CCND2: variants seen among roughly 807,000 people sequenced by gnomAD.
CCND2 encodes the protein G1/S-specific cyclin-D2.
Under a neutral mutation model 30.2 loss-of-function variants are expected in CCND2, and 6 were observed. The observed-to-expected ratio is 0.20, with a 90% CI of 0.11 to 0.39. The LOEUF (loss-of-function observed/expected upper bound fraction) is 0.39, where lower values mean the gene tolerates loss of function less well. CCND2 is among the 10% of genes least tolerant of loss of function. The pLI is 1.00. For synonymous variants in CCND2, 150 were observed against 153.1 expected (o/e 0.98, Z 0.15); for missense variants, 235 against 373.4 (o/e 0.63, Z 3.06).
intron 4 of CCND2, among the ~76,000 whole-genome samples, chr12:4,290,454 G>A (rs1436383433): frequency 1.3e-5 from 2 of 152,188 alleles, no homozygotes; most frequent in South Asian, 2.1e-4. Flanking sequence ...GAAATGGTAC[G>A]CTTTCCTCCT....
chr12:4,285,422 G>A lies in CCND2; in HGVS notation c.572-3420G>A. 2.0e-6 allele frequency: 2 copies of A among 985,382 alleles called. No homozygotes were observed. The highest frequency in any genetic ancestry group is 5.2e-4 in the Middle Eastern group (1 of 1,910). The allele number at this position is 985,382 out of a possible 1,614,324, so 61.0% of individuals were successfully genotyped here. ...TGATCAAGAGACTTAACAGACTGCT[G>A]AGAAATTTGTACCTGGTTTTTATTT... is the stretch of plus-strand genomic sequence containing the variant. On this transcript the variant is annotated intron_variant, in intron 3 of 4. Transcript: ENST00000261254. The surrounding 1 kb of genome is among the most constrained non-coding windows in gnomAD (Gnocchi z 4.1).
Position 4,300,309 on chromosome 12 carries a change from T to G in CCND2, c.*300T>G, listed in dbSNP as rs997120829. 6 of 325,426 alleles carry G rather than the reference T, an allele frequency of 1.8e-5. No individual in the cohort carries two copies. The highest frequency in any genetic ancestry group is 1.2e-4 in the African/African-American group (6 of 48,518). The allele number at this position is 325,426 out of a possible 1,614,324, so 20.2% of individuals were successfully genotyped here. ...GCTTACAGGAAAACCTGCAGAGTAG[T>G]TAGAGAATATGTATGCCTGCAATAT... On this transcript the variant is annotated 3_prime_UTR_variant, in exon 5 of 5. Coordinates refer to ENST00000261254, the MANE Select transcript of CCND2 (RefSeq NM_001759.4).
chr12:4,284,698 C>T (rs1863997590), intron 3 of CCND2, among the ~76,000 whole-genome samples: 1 of 151,838 alleles, frequency 6.6e-6, no homozygotes, highest in Non-Finnish European at 1.5e-5. Flanking sequence ...TCAAATGCTC[C>T]TCTTCACTCA....
chr12:4,290,421 G>A (rs921999649), intron 4 of CCND2, among the ~76,000 whole-genome samples: 1 of 152,206 alleles, frequency 6.6e-6, no homozygotes, highest in Non-Finnish European at 1.5e-5. Flanking sequence ...GAGGAAAATC[G>A]TGGACGGGAC....
At chr12:4,296,502 C>T (rs1396919871) in intron 4 of CCND2, among the ~76,000 whole-genome samples, 7 of 152,278 alleles carry the variant, frequency 4.6e-5, no homozygotes, top group African/African-American at 7.2e-5. Flanking sequence ...TTGTCTACCA[C>T]GCCTCGTGTG....
Position 4,303,821 on chromosome 12 carries a change from C to T in CCND2, c.*3812C>T, listed in dbSNP as rs188655271. 1.2e-3 allele frequency: 280 copies of T among 233,304 alleles called. 5 individuals carry two copies. In the Admixed American group the frequency reaches 0.015, roughly 13 times the overall value. The allele number at this position is 233,304 out of a possible 1,614,324, so 14.5% of individuals were successfully genotyped here. The stretch of plus-strand genomic sequence containing the variant: ...GGACCCCACTGGAGAGCACAGCATG[C>T]CTTACTACTGGGTCATCCTTGGTCT... On this transcript the variant is annotated 3_prime_UTR_variant, in exon 5 of 5. Transcript: ENST00000261254. This position sits in a 1 kb window ranked among gnomAD's most constrained non-coding sequence, Gnocchi z 4.6.
At chr12:4,289,022 A>G in intron 4 of CCND2, 32 bp downstream of exon 4, 1 of 1,583,546 alleles carries the variant, frequency 6.3e-7, no homozygotes, top group Non-Finnish European at 8.6e-7. Flanking sequence ...GGCTAAGTCC[A>G]GATGTCTCTT....
At chr12:4,279,018 G>T (rs575346881) in intron 3 of CCND2, 99 bp downstream of exon 3, 1 of 1,217,988 alleles carries the variant, frequency 8.2e-7, no homozygotes, top group South Asian at 1.5e-5. Context: ...TTTAGTTCAG[G>T]AGTTTGGAGG....
rs573182259 is a variant in CCND2, at chr12:4,282,986, G to C, written c.571+4067G>C. On this transcript the variant is annotated intron_variant, in intron 3 of 4. Transcript: ENST00000261254. The surrounding 1 kb of genome is among the most constrained non-coding windows in gnomAD (Gnocchi z 4.3). ...CCTTTCTTCTTCAGCGTCAGAGTGC[G>C]TATCTCTCTCCCCCTATTGGTGAAC... 3.0e-3 allele frequency among the ~76,000 whole-genome samples: 461 copies of C among 152,280 alleles called. 4 individuals carry two copies. The highest frequency in any genetic ancestry group is 0.011 in the African/African-American group (446 of 41,560).
chr12:4,291,462 C>T (rs1257052779), intron 4 of CCND2, among the ~76,000 whole-genome samples: 1 of 151,982 alleles, frequency 6.6e-6, no homozygotes, highest in African/African-American at 2.4e-5. Flanking sequence ...CCAGTTGTTG[C>T]TAGAAGTTGG....
At position 4,287,240 on chromosome 12, in the gene CCND2, G is replaced by C. The variant is rs552214750; in HGVS notation, c.572-1602G>C. Among the ~76,000 whole-genome samples the C allele has an allele frequency of 6.6e-6, 1 of 152,320 alleles. No homozygotes were observed. The highest frequency in any genetic ancestry group is 1.9e-4 in the East Asian group (1 of 5,190). ...GGTTTGCTCTGCGTTCATGATGGGAGGGGAGGGCTGTGCTTGGCTCAGGGA... is the reference window on the plus strand; with the variant it reads ...GGTTTGCTCTGCGTTCATGATGGGACGGGAGGGCTGTGCTTGGCTCAGGGA... On this transcript the variant is annotated intron_variant, in intron 3 of 4. Coordinates refer to ENST00000261254, the MANE Select transcript of CCND2 (RefSeq NM_001759.4). This position sits in a 1 kb window ranked among gnomAD's most constrained non-coding sequence, Gnocchi z 4.0.
chr12:4,278,958 C>A (rs762037376), intron 3 of CCND2, 39 bp downstream of exon 3: 1 of 1,584,064 alleles, frequency 6.3e-7, no homozygotes. Flanking sequence ...GATGGGGGAG[C>A]TCTTTTGGGA....
Position 4,300,102 on chromosome 12 carries a change from C to A in CCND2, c.*93C>A. ...TTGTTCTTTGTGTTTTAGGGTGAAA[C>A]TTAAAAAAAAAATTCTGCCCCCACC... On this transcript the variant is annotated 3_prime_UTR_variant, in exon 5 of 5. Coordinates refer to ENST00000261254, the MANE Select transcript of CCND2 (RefSeq NM_001759.4). 1.1e-5 allele frequency: 15 copies of A among 1,310,356 alleles called. No homozygotes were observed. The highest frequency in any genetic ancestry group is 5.1e-5 in the South Asian group (3 of 58,800). 81.2% of individuals were successfully genotyped at this position (1,310,356 alleles called of 1,614,324 possible).
At chr12:4,281,232 C>G (rs760239376) in intron 3 of CCND2, among the ~76,000 whole-genome samples, 10 of 152,174 alleles carry the variant, frequency 6.6e-5, no homozygotes, top group Non-Finnish European at 1.2e-4. Context: ...GGGCCTGTAT[C>G]GAAAGAAGTT....
intron 4 of CCND2, among the ~76,000 whole-genome samples, chr12:4,291,586 A>T (rs577235682): frequency 3.3e-5 from 5 of 152,180 alleles, no homozygotes; most frequent in Non-Finnish European, 5.9e-5. Flanking sequence ...TTAAGAACGT[A>T]AACAAAGGTG....
chr12:4,275,984 C>G (rs1863868309), intron 1 of CCND2, 21 bp from the exon 2 acceptor site: 1 of 1,472,408 alleles, frequency 6.8e-7, no homozygotes. Flanking sequence ...GCCCCCCAAC[C>G]CTTTCCCACT....
intron 2 of CCND2, among the ~76,000 whole-genome samples, chr12:4,277,066 TTCTTGAACTGAGC>T (rs1863884305): frequency 6.6e-6 from 1 of 152,230 alleles, no homozygotes; most frequent in Admixed American, 6.5e-5. Flanking sequence ...TGAGGCTGGC[TTCTTGAACTGAGC>T]TCTTTGTGAG....
At position 4,287,123 on chromosome 12, in the gene CCND2, G is replaced by T. The variant is rs1267155022; in HGVS notation, c.572-1719G>T. On this transcript the variant is annotated intron_variant, in intron 3 of 4. Coordinates refer to ENST00000261254, the MANE Select transcript of CCND2 (RefSeq NM_001759.4). This position sits in a 1 kb window ranked among gnomAD's most constrained non-coding sequence, Gnocchi z 4.0. ...CGTAGGAGGGGCGGGTGGACAGCAG[G>T]CGTGGGCGCAGCACCATTATATACG... 6.6e-6 allele frequency among the ~76,000 whole-genome samples: 1 copy of T among 152,226 alleles called. No individual in the cohort carries two copies. Among genetic ancestry groups the T allele is most frequent in the Non-Finnish European group, 1.5e-5 (1 of 68,040 alleles).
chr12:4,288,803 C>T (rs375766543), intron 3 of CCND2, 39 bp from the exon 4 acceptor site: 22 of 1,575,162 alleles, frequency 1.4e-5, no homozygotes, highest in African/African-American at 2.7e-5. Flanking sequence ...GATCCAAATT[C>T]GTTCTGTGCC....
Sources: allele counts gnomAD v4.1 joint callset (sites outside exome capture counted in the v4.1 genomes callset), GRCh38; gene constraint gnomAD v4.1.1; non-coding constraint Gnocchi (gnomAD v3.1); transcripts MANE v1.5; gene names NCBI Gene and HGNC (gene_info 2026-07-23, HGNC 2026-07-21).